Variants in CNTN1 observed in about 807,000 individuals in gnomAD.
The protein encoded by CNTN1 is contactin 1, also known as contactin-1.
In CNTN1, 38 loss-of-function variants were observed where a neutral mutation model predicts 126.4. The ratio of observed to expected loss-of-function variants is 0.30; its 90% CI spans 0.23 to 0.39. The LOEUF is 0.39. CNTN1 is among the 10% of genes least tolerant of loss of function. CNTN1 has a pLI of 1.00. For missense variants in CNTN1, 1,009 were observed against 1,248.4 expected (o/e 0.81, Z 2.89); for synonymous variants, 413 against 422.6 (o/e 0.98, Z 0.28).
rs74076669 is a variant in CNTN1 at position 40,856,059 on chromosome 12, T to A, written c.-76-52298T>A. On this transcript the variant is annotated intron_variant, in intron 1 of 23. Coordinates refer to ENST00000551295, the MANE Select transcript of CNTN1 (RefSeq NM_001843.4). ...AAATTTTGGGTGGGTGAGAAGTATG[T>A]CTTTCTTCTGTAAAATAAGAGGAAG... is the stretch of plus-strand genomic sequence containing the variant. 3.9e-3 allele frequency among the ~76,000 whole-genome samples: 588 copies of A among 152,230 alleles called. 3 individuals carry two copies. The highest frequency in any genetic ancestry group is 0.014 in the African/African-American group (568 of 41,546).
At chr12:40,707,109 A>G (rs895669944) in intron 1 of CNTN1, among the ~76,000 whole-genome samples, 12 of 151,624 alleles carry the variant, frequency 7.9e-5, no homozygotes, top group Non-Finnish European at 8.8e-5. Flanking sequence ...GATTAAGACT[A>G]TAGAATTGCT....
At chr12:40,944,259 T>G in intron 14 of CNTN1, 89 bp downstream of exon 14, 2 of 1,262,058 alleles carry the variant, frequency 1.6e-6, no homozygotes, top group Admixed American at 1.9e-5. Context: ...ACATTTTATA[T>G]CATCTTTGTT....
intron 1 of CNTN1, among the ~76,000 whole-genome samples, chr12:40,793,677 C>T (rs1203908346): frequency 6.6e-6 from 1 of 152,032 alleles, no homozygotes; most frequent in African/African-American, 2.4e-5. Context: ...GCTTCCTCTT[C>T]CTGGAATCAC....
intron 23 of CNTN1, among the ~76,000 whole-genome samples, chr12:41,048,320 T>C (rs961300574): frequency 1.3e-5 from 2 of 152,180 alleles, no homozygotes; most frequent in African/African-American, 4.8e-5. Context: ...TTTCACACCT[T>C]CTTTTTTTCT....
chr12:40,854,927 G>A (rs760930766), intron 1 of CNTN1, among the ~76,000 whole-genome samples: 10 of 152,076 alleles, frequency 6.6e-5, no homozygotes, highest in Admixed American at 1.3e-4. Flanking sequence ...TTCAGTACTC[G>A]GAGGGTGCTG....
At chr12:40,956,629 G>T (rs1486951406) in intron 14 of CNTN1, among the ~76,000 whole-genome samples, 2 of 151,972 alleles carry the variant, frequency 1.3e-5, no homozygotes, top group Non-Finnish European at 2.9e-5. Flanking sequence ...CCTAAAAAGA[G>T]AATGTTCTGC....
At chr12:40,762,931 G>T (rs1938921587) in intron 1 of CNTN1, among the ~76,000 whole-genome samples, 1 of 152,214 alleles carries the variant, frequency 6.6e-6, no homozygotes, top group African/African-American at 2.4e-5. Context: ...AGTGTTGGAG[G>T]TGGGGCCTAG....
chr12:40,749,421 T>G (rs973793562), intron 1 of CNTN1, among the ~76,000 whole-genome samples: 1 of 152,114 alleles, frequency 6.6e-6, no homozygotes, highest in African/African-American at 2.4e-5. Context: ...GATATTGTGA[T>G]GTATGTTAGT....
chr12:40,840,376 G>T (rs1942228083), intron 1 of CNTN1, among the ~76,000 whole-genome samples: 1 of 151,698 alleles, frequency 6.6e-6, no homozygotes, highest in Admixed American at 6.6e-5. Flanking sequence ...AGAGAGAGAG[G>T]CTATAAAGAA....
intron 23 of CNTN1, among the ~76,000 whole-genome samples, chr12:41,050,913 G>T (rs1051213739): frequency 2.0e-5 from 3 of 151,950 alleles, no homozygotes; most frequent in Non-Finnish European, 4.4e-5. Context: ...CTACTGTATA[G>T]CTGTTTATGT....
chr12:40,895,800 C>T (rs1177525624), intron 1 of CNTN1: 2 of 148,238 alleles, frequency 1.3e-5, no homozygotes, highest in African/African-American at 2.5e-5. Flanking sequence ...CTCTGTCGCC[C>T]AGGCTGGAGT....
intron 1 of CNTN1, among the ~76,000 whole-genome samples, chr12:40,745,474 T>G (rs573738561): frequency 6.6e-6 from 1 of 152,250 alleles, no homozygotes; most frequent in South Asian, 2.1e-4. Flanking sequence ...ATGTCCTGAT[T>G]GGCAGTTGGT....
rs61748365 is a variant in CNTN1 at position 40,910,101 on chromosome 12, T to C, written c.90T>C (p.His30=). 17,776 of 1,605,248 alleles carry C rather than the reference T, an allele frequency of 0.011. 149 individuals are homozygous for C. Among genetic ancestry groups the C allele is most frequent in the Non-Finnish European group, 0.014 (16,530 of 1,172,776 alleles). ...AEFTWYRRYG[H]GVSEEDKGFG... ...TTACATGGTATAGAAGATATGGTCA[T>C]GGAGGTAAGTTGACCAAAGAGTAGA... is the stretch of plus-strand genomic sequence containing the variant. Residue 30 remains histidine (H), a synonymous_variant, in exon 3 of 24, where the codon CAT becomes CAC. Transcript: ENST00000551295.
At chr12:40,819,951 C>A (rs1362662676) in intron 1 of CNTN1, among the ~76,000 whole-genome samples, 2 of 152,156 alleles carry the variant, frequency 1.3e-5, no homozygotes, top group African/African-American at 4.8e-5. Context: ...GGCTGCCGCA[C>A]CACACTGTTC....
chr12:41,061,096 G>T (rs954970220), intron 23 of CNTN1, among the ~76,000 whole-genome samples: 2 of 152,120 alleles, frequency 1.3e-5, no homozygotes, highest in Non-Finnish European at 2.9e-5. Flanking sequence ...CTCACCTCAA[G>T]TCTCATGCTT....
Position 40,933,706 on chromosome 12 carries a change from G to A in CNTN1, c.813G>A (p.Pro271=), listed in dbSNP as rs778411720. The A allele has an allele frequency of 2.6e-5, 42 of 1,612,406 alleles. No individual in the cohort carries two copies. The East Asian group carries it at 6.0e-4, about 23-fold the overall frequency. The change falls in exon 9 of 24, where the codon CCG becomes CCA. Residue 271 remains proline (P), a synonymous_variant. Transcript: ENST00000551295. ...TATCTTCTATTTAAAGTCCTGTTCC[G>A]GATATCCGATGGCGGAAGGTTCTAG... ...LECFALGNPV[P]DIRWRKVLEP...
intron 6 of CNTN1, among the ~76,000 whole-genome samples, chr12:40,928,296 A>G (rs1235848731): frequency 1.3e-5 from 2 of 152,044 alleles, no homozygotes; most frequent in African/African-American, 4.8e-5. Context: ...TACTATACAT[A>G]TCAGCTTGGA....
At chr12:40,778,340 C>T (rs1051823882) in intron 1 of CNTN1, among the ~76,000 whole-genome samples, 6 of 151,846 alleles carry the variant, frequency 4.0e-5, no homozygotes, top group African/African-American at 1.4e-4. Flanking sequence ...AACATAGCCA[C>T]ATGCATTCAT....
chr12:41,030,670 C>A (rs1949128678), intron 23 of CNTN1, among the ~76,000 whole-genome samples: 1 of 151,880 alleles, frequency 6.6e-6, no homozygotes, highest in Non-Finnish European at 1.5e-5. Flanking sequence ...TTTTAGAGTC[C>A]ATTTTCATAA....
Sources: gnomAD v4.1 joint callset for allele counts (sites outside exome capture counted in the v4.1 genomes callset) on GRCh38, gnomAD v4.1.1 for gene constraint, MANE v1.5 for transcripts, NCBI Gene and HGNC (gene_info 2026-07-23, HGNC 2026-07-21) for gene names.